OSBPL1A: variants seen among roughly 807,000 people sequenced by gnomAD.
The protein encoded by OSBPL1A is oxysterol-binding protein-related protein 1.
OSBPL1A carries 80 observed loss-of-function variants against 137.1 expected under a neutral mutation model. The observed-to-expected ratio is 0.58, with a 90% CI of 0.49 to 0.70. The LOEUF (loss-of-function observed/expected upper bound fraction) is 0.70, where lower values mean the gene tolerates loss of function less well. Ranked by LOEUF, OSBPL1A falls within the 30% of genes least tolerant of loss-of-function variation. OSBPL1A has a pLI of 0.00. For synonymous variants in OSBPL1A, 365 were observed against 389.7 expected (o/e 0.94, Z 0.75); for missense variants, 970 against 1,129.4 (o/e 0.86, Z 2.02).
At chr18:24,195,110 G>A (rs945788182) in intron 18 of OSBPL1A, among the ~76,000 whole-genome samples, 2 of 151,960 alleles carry the variant, frequency 1.3e-5, no homozygotes, top group African/African-American at 4.8e-5. Flanking sequence ...ACCAGCCTGG[G>A]AAACATAGCA....
intron 17 of OSBPL1A, among the ~76,000 whole-genome samples, chr18:24,199,520 T>C (rs1718047383): frequency 6.6e-6 from 1 of 152,166 alleles, no homozygotes; most frequent in African/African-American, 2.4e-5. Context: ...GTAAACTCCA[T>C]GAGAACTCAT....
intron 15 of OSBPL1A, among the ~76,000 whole-genome samples, chr18:24,242,517 C>T (rs2088735067): frequency 2.6e-5 from 4 of 152,102 alleles, no homozygotes; most frequent in Admixed American, 2.6e-4. Flanking sequence ...ATGCTCCTCC[C>T]CACAGCCCCC....
intron 17 of OSBPL1A, among the ~76,000 whole-genome samples, chr18:24,205,191 G>A (rs550732972): frequency 6.6e-6 from 1 of 152,294 alleles, no homozygotes; most frequent in South Asian, 2.1e-4. Context: ...TAACTCCACA[G>A]CCGTCACTCC....
chr18:24,387,681 TG>T (rs924309316), intron 1 of OSBPL1A, among the ~76,000 whole-genome samples: 4 of 152,044 alleles, frequency 2.6e-5, no homozygotes, highest in Non-Finnish European at 5.9e-5. Context: ...CTCAAAGCAC[TG>T]GGATTACAGG....
intron 15 of OSBPL1A, among the ~76,000 whole-genome samples, chr18:24,256,495 C>A (rs1253230018): frequency 6.6e-6 from 1 of 152,124 alleles, no homozygotes; most frequent in African/African-American, 2.4e-5. Flanking sequence ...CCATGAAAGA[C>A]CCACAGCTAG....
chr18:24,347,540 T>C (rs1359820964), intron 4 of OSBPL1A: 1 of 152,064 alleles, frequency 6.6e-6, no homozygotes, highest in Non-Finnish European at 1.5e-5. Flanking sequence ...GGAGAAATAA[T>C]TTCTAAAAAT....
Position 24,381,085 on chromosome 18 carries a change from G to A in OSBPL1A, c.-2-3550C>T, listed in dbSNP as rs139394003. Among the ~76,000 whole-genome samples the A allele has an allele frequency of 3.0e-3, 453 of 152,308 alleles. 3 individuals carry two copies. The highest frequency in any genetic ancestry group is 0.011 in the African/African-American group (438 of 41,564). Reference sequence around the variant, plus strand: ...ATACTCGTTAAAGCATGAAAGGAAAGACTTTATTCAGGACCCCCGTGGTAG... The same window carrying A: ...ATACTCGTTAAAGCATGAAAGGAAAAACTTTATTCAGGACCCCCGTGGTAG... On this transcript the variant is annotated intron_variant, in intron 1 of 27. Coordinates refer to ENST00000319481, the MANE Select transcript of OSBPL1A (RefSeq NM_080597.4).
intron 22 of OSBPL1A, 43 bp downstream of exon 22, chr18:24,172,333 G>T: frequency 1.4e-6 from 2 of 1,427,138 alleles, no homozygotes; most frequent in Non-Finnish European, 9.9e-7. Context: ...AAAACTGCTT[G>T]ATGAAAACTG....
chr18:24,264,103 A>G (rs1161658628), intron 15 of OSBPL1A, among the ~76,000 whole-genome samples: 1 of 152,242 alleles, frequency 6.6e-6, no homozygotes, highest in African/African-American at 2.4e-5. Flanking sequence ...TGAAATTACA[A>G]TACAGTTCCC....
At chr18:24,329,507 G>A (rs1025665425) in intron 7 of OSBPL1A, among the ~76,000 whole-genome samples, 3 of 142,162 alleles carry the variant, frequency 2.1e-5, no homozygotes, top group Non-Finnish European at 4.5e-5. Context: ...TCGAGATCGC[G>A]CCACTGCACT....
intron 17 of OSBPL1A, among the ~76,000 whole-genome samples, chr18:24,201,349 T>C (rs1281206832): frequency 2.0e-5 from 3 of 152,180 alleles, no homozygotes; most frequent in African/African-American, 7.2e-5. Context: ...AAGAACCAAA[T>C]TCATTAAAGA....
At chr18:24,212,930 T>TA (rs1410607372) in intron 17 of OSBPL1A, among the ~76,000 whole-genome samples, 14 of 152,348 alleles carry the variant, frequency 9.2e-5, no homozygotes, top group African/African-American at 3.1e-4. Flanking sequence ...GCCAATCACT[T>TA]AAAACTCTTC....
chr18:24,193,903 C>T (rs1056179432), intron 18 of OSBPL1A, among the ~76,000 whole-genome samples: 4 of 152,134 alleles, frequency 2.6e-5, no homozygotes, highest in Non-Finnish European at 4.4e-5. Context: ...AGTTATGTGC[C>T]TAAACATAAA....
chr18:24,227,821 G>A (rs532021425), intron 16 of OSBPL1A, among the ~76,000 whole-genome samples: 42 of 152,110 alleles, frequency 2.8e-4, no homozygotes, highest in African/African-American at 6.5e-4. Context: ...AAATAATTTC[G>A]TCTGTACTGG....
intron 2 of OSBPL1A, among the ~76,000 whole-genome samples, chr18:24,372,539 C>T (rs1229238216): frequency 1.3e-5 from 2 of 152,178 alleles, no homozygotes; most frequent in Non-Finnish European, 2.9e-5. Context: ...CCCTCATTCC[C>T]CTCCTCACTC....
chr18:24,386,146 C>A (rs1352002984), intron 1 of OSBPL1A, among the ~76,000 whole-genome samples: 1 of 151,890 alleles, frequency 6.6e-6, no homozygotes, highest in Non-Finnish European at 1.5e-5. Context: ...TCCTATAAGA[C>A]AGGATGGTAG....
intron 1 of OSBPL1A, among the ~76,000 whole-genome samples, chr18:24,388,418 C>T (rs1907084827): frequency 6.6e-6 from 1 of 152,022 alleles, no homozygotes; most frequent in South Asian, 2.1e-4. Flanking sequence ...GGGAGGTCTA[C>T]AGGCAATGCC....
chr18:24,375,248 G>C (rs901117162), intron 2 of OSBPL1A, among the ~76,000 whole-genome samples: 14 of 142,696 alleles, frequency 9.8e-5, no homozygotes, highest in Non-Finnish European at 1.4e-4. Flanking sequence ...CCAGAAGTCT[G>C]AGGCTGCCAT....
intron 13 of OSBPL1A, among the ~76,000 whole-genome samples, chr18:24,310,097 A>G (rs2090589094): frequency 6.6e-6 from 1 of 151,846 alleles, no homozygotes. Flanking sequence ...TTAGCATTCA[A>G]ACTCTGTTGG....
Sources: allele counts gnomAD v4.1 joint callset (sites outside exome capture counted in the v4.1 genomes callset), GRCh38; gene constraint gnomAD v4.1.1; transcripts MANE v1.5; gene names NCBI Gene and HGNC (gene_info 2026-07-23, HGNC 2026-07-21).